The following FAAH2 variants were observed in gnomAD, a reference collection of about 807,000 sequenced individuals.
The protein encoded by FAAH2 is fatty acid amide hydrolase 2.
FAAH2 carries 60 observed loss-of-function variants against 36.9 expected under a neutral mutation model. The observed-to-expected ratio is 1.63, with a 90% confidence interval of 1.32 to 2.02. The LOEUF is 2.02. Ranked by LOEUF, FAAH2 falls within the 30% of genes most tolerant of loss-of-function variation. The probability of loss-of-function intolerance (pLI) is 0.00; values close to 1 mark genes in which losing one functional copy is unlikely to be tolerated. For synonymous variants in FAAH2, 214 were observed against 143.8 expected (o/e 1.49, Z -3.49); for missense variants, 689 against 397.5 (o/e 1.73, Z -6.23).
intron 5 of FAAH2, among the ~76,000 whole-genome samples, chrX:57,353,277 C>T (rs1321449955): frequency 5.5e-5 from 6 of 108,789 alleles, no homozygotes; most frequent in Non-Finnish European, 7.7e-5. Flanking sequence ...GAATAGAGAA[C>T]CCAGAAATAA....
intron 10 of FAAH2, among the ~76,000 whole-genome samples, chrX:57,452,703 G>A (rs1262995144): frequency 8.9e-6 from 1 of 111,898 alleles, no homozygotes; most frequent in Non-Finnish European, 1.9e-5. Context: ...AACAGAGTAA[G>A]AAGCTCAGCA....
the FAAH2 span, among the ~76,000 whole-genome samples, chrX:57,163,728 G>A: frequency 8.9e-6 from 1 of 112,043 alleles, no homozygotes; most frequent in Non-Finnish European, 1.9e-5. Context: ...GCTCGCACAC[G>A]ATGCGTGCAC....
At chrX:57,246,889 G>A in the FAAH2 span, among the ~76,000 whole-genome samples, 1 of 111,690 alleles carries the variant, frequency 9.0e-6, no homozygotes, top group Non-Finnish European at 1.9e-5. Flanking sequence ...AGTGCAAAGT[G>A]ACATTGGGTC....
rs1361515663 is a variant in FAAH2 at position 57,489,125 on chromosome X, C to T, written c.*193C>T. ...CTTACTAAAATGGTAATATTTGCTT[C>T]TTGCTTTTATGTTACTGGAAAATTA... On this transcript the variant is annotated 3_prime_UTR_variant, in exon 11 of 11. Transcript: ENST00000374900. The T allele has an allele frequency of 1.4e-5, 6 of 441,037 alleles. No individual in the cohort carries two copies. The highest frequency in any genetic ancestry group is 2.1e-5 in the Non-Finnish European group (6 of 280,574). The allele number at this position is 441,037 out of a possible 1,213,427, so 36.3% of individuals were successfully genotyped here. A position where few individuals can be genotyped will look rare whatever the true frequency, so the allele number is the denominator to read the frequency against.
chrX:57,246,497 C>A, the FAAH2 span, among the ~76,000 whole-genome samples: 1 of 111,656 alleles, frequency 9.0e-6, no homozygotes, highest in Admixed American at 9.5e-5. Flanking sequence ...CCAAATCCAG[C>A]AGCACATCAA....
At chrX:57,380,562 G>C (rs1277375507) in intron 6 of FAAH2, among the ~76,000 whole-genome samples, 3 of 111,723 alleles carry the variant, frequency 2.7e-5, no homozygotes, top group African/African-American at 9.8e-5. Context: ...GCAATGCTGA[G>C]TCATATTGAA....
chrX:57,380,869 C>A, intron 6 of FAAH2, 43 bp from the exon 7 acceptor site: 1 of 850,456 alleles, frequency 1.2e-6, no homozygotes, highest in Non-Finnish European at 1.7e-6. Context: ...TTAAGGATAT[C>A]TAAATAATTT....
At chrX:57,481,096 A>G (rs2057370835) in intron 10 of FAAH2, among the ~76,000 whole-genome samples, 1 of 109,505 alleles carries the variant, frequency 9.1e-6, no homozygotes. Context: ...CCATCATGTC[A>G]TTTATATTCC....
At chrX:57,400,721 C>A (rs2055411935) in intron 7 of FAAH2, among the ~76,000 whole-genome samples, 1 of 112,308 alleles carries the variant, frequency 8.9e-6, no homozygotes, top group African/African-American at 3.2e-5. Flanking sequence ...TCACTGAGGA[C>A]CCTGGTGCCT....
chrX:57,377,109 C>G (rs1461728846), intron 5 of FAAH2, among the ~76,000 whole-genome samples: 3 of 112,270 alleles, frequency 2.7e-5, no homozygotes, highest in African/African-American at 9.7e-5. Flanking sequence ...GTTGCCTGCT[C>G]AATCTGATGA....
chrX:57,346,766 G>A (rs776649751), intron 5 of FAAH2, among the ~76,000 whole-genome samples: 2 of 111,584 alleles, frequency 1.8e-5, no homozygotes, highest in African/African-American at 6.5e-5. Flanking sequence ...CCCTTTTAAG[G>A]TTGGTCTGGT....
chrX:57,135,590 G>T, the FAAH2 span: 1 of 618,692 alleles, frequency 1.6e-6, no homozygotes, highest in Non-Finnish European at 2.4e-6. Flanking sequence ...TTCCTTCCAT[G>T]CCCCATCTAC....
intron 7 of FAAH2, among the ~76,000 whole-genome samples, chrX:57,387,890 G>T (rs956836784): frequency 4.0e-4 from 44 of 111,163 alleles, no homozygotes; most frequent in African/African-American, 1.4e-3. Flanking sequence ...GAGGGAGGAG[G>T]TAAATAGAGA....
At chrX:57,344,608 G>T (rs991966787) in intron 5 of FAAH2, among the ~76,000 whole-genome samples, 6 of 110,936 alleles carry the variant, frequency 5.4e-5, no homozygotes, top group Non-Finnish European at 1.9e-5. Context: ...TCTGGCTAGG[G>T]CTTCCAGTAT....
chrX:57,450,862 A>C (rs1329289694), intron 10 of FAAH2, among the ~76,000 whole-genome samples: 1 of 111,393 alleles, frequency 9.0e-6, no homozygotes, highest in Non-Finnish European at 1.9e-5. Flanking sequence ...TATTGGAGAC[A>C]TGTATATGTT....
chrX:57,286,973 C>T lies in FAAH2; in HGVS notation c.148C>T (p.Leu50=), dbSNP rs755406884. 8.3e-7 allele frequency: 1 copy of T among 1,200,865 alleles called. No homozygotes were observed. The highest frequency in any genetic ancestry group is 1.8e-5 in the South Asian group (1 of 55,075). The stretch of plus-strand genomic sequence containing the variant: ...TCGGCCGGTGACTGAACCATTGCTT[C>T]TGCTTTCGGGGATGCAGCTGGCCAA... ...TPRPVTEPLL[L]LSGMQLAKLI... is the part of the protein sequence containing the mutation. The change falls in exon 1 of 11, where the codon CTG becomes TTG. Residue 50 remains leucine (L), a synonymous_variant. Transcript: ENST00000374900.
chrX:57,160,677 G>C, the FAAH2 span, among the ~76,000 whole-genome samples: 1 of 111,670 alleles, frequency 9.0e-6, no homozygotes, highest in Non-Finnish European at 1.9e-5. Flanking sequence ...CTGTGGGATC[G>C]GTAGTGATAT....
intron 7 of FAAH2, among the ~76,000 whole-genome samples, chrX:57,383,808 A>C (rs1805410458): frequency 8.9e-6 from 1 of 112,145 alleles, no homozygotes; most frequent in Non-Finnish European, 1.9e-5. Context: ...TTCTTCACAG[A>C]ATTGGAAAAA....
intron 7 of FAAH2, chrX:57,392,723 G>T: frequency 3.3e-6 from 2 of 611,569 alleles, no homozygotes; most frequent in East Asian, 3.2e-5. Context: ...AGTCCATTGT[G>T]CTCATCGTTC....
Sources: allele counts gnomAD v4.1 joint callset (sites outside exome capture counted in the v4.1 genomes callset), GRCh38; gene constraint gnomAD v4.1.1; transcripts MANE v1.5; gene names NCBI Gene and HGNC (gene_info 2026-07-23, HGNC 2026-07-21).